ADRA1B: variants seen among roughly 807,000 people sequenced by gnomAD.
ADRA1B encodes alpha-1B adrenergic receptor.
ADRA1B carries 17 observed loss-of-function variants against 17.9 expected under a neutral mutation model. The ratio of observed to expected loss-of-function variants is 0.95; its 90% confidence interval spans 0.65 to 1.42. ADRA1B has a LOEUF of 1.42. ADRA1B is among the 40% of genes most tolerant of loss of function. ADRA1B has a pLI of 0.00. For missense variants in ADRA1B, 681 were observed against 722.1 expected (o/e 0.94, Z 0.65); for synonymous variants, 366 against 327.6 (o/e 1.12, Z -1.27).
intron 1 of ADRA1B, among the ~76,000 whole-genome samples, chr5:159,909,785 G>C (rs539217448): frequency 1.7e-4 from 26 of 152,206 alleles, no homozygotes; most frequent in Admixed American, 1.0e-3. Context: ...TAGACAAAGA[G>C]AGTTACAACA....
At chr5:159,918,229 A>G (rs1354169285) in intron 1 of ADRA1B, among the ~76,000 whole-genome samples, 2 of 152,230 alleles carry the variant, frequency 1.3e-5, no homozygotes, top group Non-Finnish European at 2.9e-5. Context: ...CTAATGCAGC[A>G]TACAAAATAG....
chr5:159,953,598 C>CA (rs1469108372), intron 1 of ADRA1B, among the ~76,000 whole-genome samples: 1 of 152,124 alleles, frequency 6.6e-6, no homozygotes, highest in Non-Finnish European at 1.5e-5. Context: ...CTGTCTCTAC[C>CA]ACTGTGTAAT....
chr5:159,924,825 G>A (rs540803121), intron 1 of ADRA1B, among the ~76,000 whole-genome samples: 125 of 152,330 alleles, frequency 8.2e-4, no homozygotes, highest in African/African-American at 2.7e-3. Flanking sequence ...CATATCTGCC[G>A]AATGTTTCTG....
chr5:159,946,095 A>G (rs1755266643), intron 1 of ADRA1B, among the ~76,000 whole-genome samples: 1 of 152,188 alleles, frequency 6.6e-6, no homozygotes, highest in Non-Finnish European at 1.5e-5. Context: ...GATGGATTGT[A>G]GAGGCTTAAG....
chr5:159,968,445 G>A (rs1411617412), intron 1 of ADRA1B, among the ~76,000 whole-genome samples: 1 of 152,096 alleles, frequency 6.6e-6, no homozygotes, highest in Non-Finnish European at 1.5e-5. Flanking sequence ...ACCTTCAATG[G>A]GGTTGGCACC....
At chr5:159,906,936 T>C (rs1312314571) in intron 1 of ADRA1B, among the ~76,000 whole-genome samples, 1 of 152,182 alleles carries the variant, frequency 6.6e-6, no homozygotes, top group African/African-American at 2.4e-5. Flanking sequence ...TGCTTCCTTC[T>C]CTTCATCCCC....
chr5:159,926,214 T>TA (rs1754642188), intron 1 of ADRA1B, among the ~76,000 whole-genome samples: 2 of 152,216 alleles, frequency 1.3e-5, no homozygotes, highest in Non-Finnish European at 2.9e-5. Context: ...GTGTTTCTCA[T>TA]ACCCTCTGAA....
chr5:159,909,549 G>T (rs761742792), intron 1 of ADRA1B, among the ~76,000 whole-genome samples: 1 of 152,212 alleles, frequency 6.6e-6, no homozygotes, highest in East Asian at 1.9e-4. Flanking sequence ...CTTGAGATTT[G>T]TGTCATGTAT....
At chr5:159,873,806 C>T (rs1308176658) in intron 1 of ADRA1B, among the ~76,000 whole-genome samples, 2 of 152,042 alleles carry the variant, frequency 1.3e-5, no homozygotes, top group Non-Finnish European at 1.5e-5. Flanking sequence ...TTAATTTAGA[C>T]AGAAAAACAA....
chr5:159,920,688 G>A (rs1333407702), intron 1 of ADRA1B, among the ~76,000 whole-genome samples: 1 of 152,160 alleles, frequency 6.6e-6, no homozygotes, highest in African/African-American at 2.4e-5. Flanking sequence ...TTCAAACAAA[G>A]AAGGTACTTA....
intron 1 of ADRA1B, among the ~76,000 whole-genome samples, chr5:159,886,750 G>A (rs1208479859): frequency 6.6e-6 from 1 of 152,076 alleles, no homozygotes; most frequent in Non-Finnish European, 1.5e-5. Flanking sequence ...GTGGTTATGA[G>A]CATGGTCTTA....
intron 1 of ADRA1B, among the ~76,000 whole-genome samples, chr5:159,925,477 C>T (rs1754619211): frequency 6.6e-6 from 1 of 152,176 alleles, no homozygotes; most frequent in Non-Finnish European, 1.5e-5. Flanking sequence ...TTTCTGGCTG[C>T]ATACATTTCA....
At chr5:159,907,958 C>T (rs1754180616) in intron 1 of ADRA1B, among the ~76,000 whole-genome samples, 1 of 147,074 alleles carries the variant, frequency 6.8e-6, no homozygotes, top group Non-Finnish European at 1.5e-5. Flanking sequence ...CTCTCTGTCA[C>T]ACACACACAC....
At chr5:159,899,897 A>G (rs1754083489) in intron 1 of ADRA1B, among the ~76,000 whole-genome samples, 1 of 152,204 alleles carries the variant, frequency 6.6e-6, no homozygotes, top group African/African-American at 2.4e-5. Context: ...GATTCCCAGA[A>G]TCTCTGCCAA....
upstream of ADRA1B, among the ~76,000 whole-genome samples, chr5:159,914,818 CAGA>C (rs1447596999): frequency 2.0e-5 from 3 of 152,154 alleles, no homozygotes; most frequent in African/African-American, 7.2e-5. Context: ...GTATCAAGAG[CAGA>C]AGGTGAGAAA....
At position 159,916,974 on chromosome 5, in the gene ADRA1B, C is replaced by G; in HGVS notation, c.69C>G (p.Ala23=). Residue 23 remains alanine, a synonymous_variant, in exon 1 of 2, where the codon GCC becomes GCG. Coordinates refer to ENST00000306675, the MANE Select transcript of ADRA1B (RefSeq NM_000679.4). ...APAHWGELKN[A]NFTGPNQTSS... ...CCCACTGGGGAGAGTTGAAAAATGC[C>G]AACTTCACTGGCCCCAACCAGACCT... 6.2e-7 allele frequency: 1 copy of G among 1,614,124 alleles called. No individual in the cohort carries two copies. The highest frequency in any genetic ancestry group is 8.5e-7 in the Non-Finnish European group (1 of 1,180,026).
chr5:159,909,008 C>A (rs974642686), intron 1 of ADRA1B, among the ~76,000 whole-genome samples: 15 of 152,196 alleles, frequency 9.9e-5, no homozygotes, highest in Non-Finnish European at 1.5e-4. Flanking sequence ...AGCCAAAAAA[C>A]CAAAATACTG....
chr5:159,895,159 C>T (rs947604955), intron 1 of ADRA1B, among the ~76,000 whole-genome samples: 3 of 152,176 alleles, frequency 2.0e-5, no homozygotes, highest in African/African-American at 7.2e-5. Context: ...GAAAGGTTGA[C>T]CTAGGCCGAC....
Position 159,865,557 on chromosome 5 carries a change from T to C in ADRA1B, c.-256+351T>C, listed in dbSNP as rs138466206. ...CTTGTGCTTCACTGTAAATGGAGAG[T>C]GAGTGAAAGATATAGCCTATCACAA... On this transcript the variant is annotated intron_variant, in intron 1 of 2. Coordinates refer to the ADRA1B transcript ENST00000641205. Among the ~76,000 whole-genome samples, 11 of 152,296 alleles carry C rather than the reference T, an allele frequency of 7.2e-5. No homozygotes were observed. In the East Asian group the frequency reaches 2.1e-3, roughly 29 times the overall value.
Sources: gnomAD v4.1 joint callset for allele counts (sites outside exome capture counted in the v4.1 genomes callset) on GRCh38, gnomAD v4.1.1 for gene constraint, MANE v1.5 for transcripts, NCBI Gene and HGNC (gene_info 2026-07-23, HGNC 2026-07-21) for gene names.